Variants in MATN2 observed in about 807,000 individuals in gnomAD.
MATN2 encodes matrilin-2.
In MATN2, 69 loss-of-function variants were observed where a neutral mutation model predicts 103.2. The ratio of observed to expected loss-of-function variants is 0.67; its 90% CI spans 0.55 to 0.82. MATN2 has a LOEUF of 0.82. MATN2 is among the 40% of genes least tolerant of loss of function. MATN2 has a pLI of 0.00. For missense variants in MATN2, 1,023 were observed against 1,211.5 expected (o/e 0.84, Z 2.31); for synonymous variants, 429 against 450.2 (o/e 0.95, Z 0.60).
intron 2 of MATN2, among the ~76,000 whole-genome samples, chr8:97,907,372 C>T (rs1181642615): frequency 7.9e-4 from 115 of 146,318 alleles, no homozygotes; most frequent in African/African-American, 2.7e-3. Context: ...AGTGCAGTGG[C>T]GCAATCTTGG....
At chr8:97,989,197 T>C (rs909457016) in intron 6 of MATN2, among the ~76,000 whole-genome samples, 8 of 152,130 alleles carry the variant, frequency 5.3e-5, no homozygotes, top group African/African-American at 1.7e-4. Context: ...TGGCCAGGCG[T>C]GGTGGCTCAC....
intron 6 of MATN2, among the ~76,000 whole-genome samples, chr8:97,987,713 C>A (rs1473740040): frequency 6.6e-6 from 1 of 152,014 alleles, no homozygotes; most frequent in Non-Finnish European, 1.5e-5. Context: ...AACACTGATC[C>A]TAGTGCCTGT....
chr8:97,983,023 G>A lies in MATN2; in HGVS notation c.1081+4015G>A, dbSNP rs116709516. Among the ~76,000 whole-genome samples, 1,308 of 152,042 alleles carry A rather than the reference G, an allele frequency of 8.6e-3. 23 individuals are homozygous for A. The highest frequency in any genetic ancestry group is 0.028 in the African/African-American group (1,171 of 41,450). On this transcript the variant is annotated intron_variant, in intron 6 of 18. Coordinates refer to ENST00000254898, the MANE Select transcript of MATN2 (RefSeq NM_002380.5). ...ACTTTTCATCACCCCAAACTGAAAC[G>A]CTGTACCCATTGAACAATAACTCCC...
chr8:97,881,934 T>TG (rs1444420934), intron 1 of MATN2, among the ~76,000 whole-genome samples: 1 of 147,590 alleles, frequency 6.8e-6, no homozygotes, highest in African/African-American at 2.5e-5. Context: ...TTTTTTTTTT[T>TG]TTGAGACAGA....
At chr8:97,974,335 C>T (rs1002714318) in intron 5 of MATN2, among the ~76,000 whole-genome samples, 8 of 152,150 alleles carry the variant, frequency 5.3e-5, no homozygotes, top group African/African-American at 9.7e-5. Flanking sequence ...GATGGGGTTT[C>T]ACCATGTTGG....
intron 1 of MATN2, among the ~76,000 whole-genome samples, chr8:97,873,009 G>T (rs1817949420): frequency 6.6e-6 from 1 of 152,118 alleles, no homozygotes; most frequent in African/African-American, 2.4e-5. Context: ...TGGCCACGCT[G>T]GTTTCGAACT....
At chr8:97,880,461 T>C (rs1208237747) in intron 1 of MATN2, among the ~76,000 whole-genome samples, 1 of 152,228 alleles carries the variant, frequency 6.6e-6, no homozygotes, top group Non-Finnish European at 1.5e-5. Flanking sequence ...CCTGTTTCTC[T>C]AGCTGTGCAG....
intron 2 of MATN2, among the ~76,000 whole-genome samples, chr8:97,892,823 C>A (rs2129996929): frequency 6.6e-6 from 1 of 152,178 alleles, no homozygotes; most frequent in South Asian, 2.1e-4. Flanking sequence ...CTCAGGGACC[C>A]CTAGAATTCC....
chr8:97,928,472 C>T (rs1307147125), intron 2 of MATN2, among the ~76,000 whole-genome samples: 6 of 152,102 alleles, frequency 3.9e-5, no homozygotes, highest in South Asian at 2.1e-4. Flanking sequence ...GTGATCCTCC[C>T]GCCTCGGCCT....
chr8:97,889,459 CTATA>C lies in MATN2; in HGVS notation c.142+1244_142+1247del, dbSNP rs56115197. ...AACATCTCTCTCTCTCTCTCTCTGT[CTATA>C]TATATATATATATATATATATATAT... On this transcript the variant is annotated intron_variant, in intron 2 of 18. Coordinates refer to ENST00000254898, the MANE Select transcript of MATN2 (RefSeq NM_002380.5). 7.4e-3 allele frequency among the ~76,000 whole-genome samples: 909 copies of C among 123,398 alleles called. 18 individuals are homozygous for C. Among genetic ancestry groups the C allele is most frequent in the African/African-American group, 0.021 (730 of 34,724 alleles). The allele number at this position is 123,398 out of a possible 152,430, so 81.0% of individuals were successfully genotyped here. A position where few individuals can be genotyped will look rare whatever the true frequency, so the allele number is the denominator to read the frequency against.
intron 4 of MATN2, among the ~76,000 whole-genome samples, chr8:97,942,810 T>C (rs1261538602): frequency 6.6e-6 from 1 of 152,204 alleles, no homozygotes. Flanking sequence ...CTGTAATTAG[T>C]GTCACATTTA....
chr8:97,941,161 C>CAAAAAAAAAAAAAAAAAAAAA (rs1186024165), intron 3 of MATN2, among the ~76,000 whole-genome samples: 24 of 77,984 alleles, frequency 3.1e-4, no homozygotes, highest in Non-Finnish European at 4.8e-4. Flanking sequence ...GACCTTGTCT[C>CAAAAAAAAAAAAAAAAAAAAA]AAAAAAAAAA....
chr8:97,992,720 T>G (rs1586132977), intron 6 of MATN2, among the ~76,000 whole-genome samples: 2 of 125,570 alleles, frequency 1.6e-5, no homozygotes, highest in African/African-American at 6.3e-5. Flanking sequence ...CACTCCAGCC[T>G]GGGTGTTAGA....
Position 98,007,021 on chromosome 8 carries a change from C to T in MATN2, c.1328-84C>T. ...ACACCTTCCCTGTGGCTTGTTATGC[C>T]TCCGGTTTTGTTTTTGAATCTTGGT... On this transcript the variant is annotated intron_variant, in intron 8 of 18. Transcript: ENST00000254898. This position sits in a 1 kb window ranked among gnomAD's most constrained non-coding sequence, Gnocchi z 4.2. 3.4e-6 allele frequency: 5 copies of T among 1,462,932 alleles called. No homozygotes were observed. The highest frequency in any genetic ancestry group is 4.7e-6 in the Non-Finnish European group (5 of 1,072,736). 90.6% of individuals were successfully genotyped at this position (1,462,932 alleles called of 1,614,324 possible). A position where few individuals can be genotyped will look rare whatever the true frequency, so the allele number is the denominator to read the frequency against.
intron 4 of MATN2, among the ~76,000 whole-genome samples, chr8:97,945,041 A>G (rs1463720828): frequency 6.6e-6 from 1 of 152,228 alleles, no homozygotes; most frequent in Admixed American, 6.5e-5. Context: ...GGCAGCATGC[A>G]AAGTACTGGA....
chr8:98,032,973 T>C, intron 16 of MATN2, 69 bp from the exon 17 acceptor site: 1 of 1,477,454 alleles, frequency 6.8e-7, no homozygotes, highest in Non-Finnish European at 9.1e-7. Flanking sequence ...AGTACCTTAC[T>C]CTGCTGATGG....
rs36115400 is a variant in MATN2 at position 97,910,938 on chromosome 8, T to A, written c.143-20015T>A. 2.5e-3 allele frequency among the ~76,000 whole-genome samples: 379 copies of A among 152,326 alleles called. 1 individual carries two copies. The highest frequency in any genetic ancestry group is 4.6e-3 in the Non-Finnish European group (312 of 68,026). On this transcript the variant is annotated intron_variant, in intron 2 of 18. Transcript: ENST00000254898. ...TAGTAGCTATCATTATGGATATGAA[T>A]ATAACCATTTGTAAAGGTCAAGGAA...
In MATN2 at chr8:97,939,044, A is replaced by AT. The variant is rs879384532; in HGVS notation, c.713-2721dup. ...GCCACCATTCCTGACTACTTTTTGTATTTTTTTTTTTTAGTAGAGACAGGG... is the reference window on the plus strand; with the variant it reads ...GCCACCATTCCTGACTACTTTTTGTATTTTTTTTTTTTTAGTAGAGACAGGG... On this transcript the variant is annotated intron_variant, in intron 3 of 18. Coordinates refer to ENST00000254898, the MANE Select transcript of MATN2 (RefSeq NM_002380.5). Among the ~76,000 whole-genome samples, 714 of 142,994 alleles carry AT rather than the reference A, an allele frequency of 5.0e-3. 4 individuals are homozygous for AT. The highest frequency in any genetic ancestry group is 0.026 in the East Asian group (126 of 4,932). The allele number at this position is 142,994 out of a possible 152,430, so 93.8% of individuals were successfully genotyped here.
chr8:97,960,174 C>T (rs1305677892), intron 4 of MATN2, among the ~76,000 whole-genome samples: 2 of 152,174 alleles, frequency 1.3e-5, no homozygotes, highest in Non-Finnish European at 2.9e-5. Context: ...TCAGGCTGAT[C>T]TCGAACTTCT....
Sources: gnomAD v4.1 joint callset for allele counts (sites outside exome capture counted in the v4.1 genomes callset) on GRCh38, gnomAD v4.1.1 for gene constraint, Gnocchi (gnomAD v3.1) non-coding constraint, MANE v1.5 for transcripts, NCBI Gene and HGNC (gene_info 2026-07-23, HGNC 2026-07-21) for gene names.